EPM2A: variants seen among roughly 807,000 people sequenced by gnomAD.
EPM2A encodes EPM2A glucan phosphatase, laforin, also known as laforin.
Under a neutral mutation model 26.5 loss-of-function variants are expected in EPM2A, and 21 were observed. That is an observed-to-expected ratio of 0.79 (90% CI 0.56 to 1.14). EPM2A has a LOEUF of 1.14. Ranked by LOEUF, EPM2A falls within the 50% of genes most tolerant of loss-of-function variation. EPM2A has a pLI of 0.00. For synonymous variants in EPM2A, 217 were observed against 177.6 expected (o/e 1.22, Z -1.76); for missense variants, 458 against 440.8 (o/e 1.04, Z -0.35).
intron 2 of EPM2A, among the ~76,000 whole-genome samples, chr6:145,532,562 T>C (rs146202522): frequency 0.021 from 3,176 of 152,294 alleles, 46 homozygotes; most frequent in Admixed American, 0.031. Flanking sequence ...TCATTTAATG[T>C]GTGCTGAATA....
At chr6:145,635,189 G>C (rs1776552818) in intron 3 of EPM2A, 56 bp downstream of exon 3, 1 of 1,604,144 alleles carries the variant, frequency 6.2e-7, no homozygotes, top group Non-Finnish European at 8.5e-7. Flanking sequence ...TAGACAGACA[G>C]ACAGCAAGGG....
intron 4 of EPM2A, among the ~76,000 whole-genome samples, chr6:145,437,917 G>GA (rs1038040047): frequency 1.3e-5 from 2 of 152,112 alleles, no homozygotes; most frequent in African/African-American, 2.4e-5. Context: ...CACTGAAAAT[G>GA]AAAAAAATTA....
intron 2 of EPM2A, among the ~76,000 whole-genome samples, chr6:145,598,537 T>C (rs1275711345): frequency 6.6e-6 from 1 of 152,192 alleles, no homozygotes; most frequent in Admixed American, 6.5e-5. Context: ...TGCAAATATT[T>C]TCTCTCATTC....
chr6:145,521,164 G>T (rs895552044), intron 2 of EPM2A, among the ~76,000 whole-genome samples: 1 of 152,058 alleles, frequency 6.6e-6, no homozygotes, highest in Non-Finnish European at 1.5e-5. Context: ...AAGAAAGAAA[G>T]GTATGTGTGC....
intron 2 of EPM2A, among the ~76,000 whole-genome samples, chr6:145,559,937 G>A (rs1323563566): frequency 6.6e-6 from 1 of 152,096 alleles, no homozygotes; most frequent in Non-Finnish European, 1.5e-5. Context: ...AACAAAAAAA[G>A]TTTGGCTTGG....
At chr6:145,474,339 G>A (rs1779515183) in intron 4 of EPM2A, among the ~76,000 whole-genome samples, 1 of 152,048 alleles carries the variant, frequency 6.6e-6, no homozygotes, top group African/African-American at 2.4e-5. Flanking sequence ...GTGGGTGCCT[G>A]TAATCCCAGC....
intron 4 of EPM2A, among the ~76,000 whole-genome samples, chr6:145,493,750 G>T (rs1220202058): frequency 1.3e-5 from 2 of 152,100 alleles, no homozygotes; most frequent in East Asian, 1.9e-4. Context: ...AGATAATCAC[G>T]TGCTTTTTGT....
chr6:145,514,712 A>C (rs1264029618), intron 2 of EPM2A, among the ~76,000 whole-genome samples: 1 of 152,204 alleles, frequency 6.6e-6, no homozygotes, highest in East Asian at 1.9e-4. Context: ...AACTAAGAAG[A>C]ACTGCTGGGT....
intron 2 of EPM2A, among the ~76,000 whole-genome samples, chr6:145,521,951 A>G (rs1215365369): frequency 6.6e-6 from 1 of 152,110 alleles, no homozygotes; most frequent in Non-Finnish European, 1.5e-5. Context: ...AAGTATAAGT[A>G]TTGCATGTTT....
chr6:145,456,410 T>G (rs1038275432), intron 4 of EPM2A, among the ~76,000 whole-genome samples: 2 of 152,156 alleles, frequency 1.3e-5, no homozygotes, highest in Admixed American at 6.5e-5. Flanking sequence ...TTTGCACTCC[T>G]TAGAATCTTT....
At chr6:145,479,349 T>C (rs965465979) in intron 4 of EPM2A, among the ~76,000 whole-genome samples, 4 of 149,264 alleles carry the variant, frequency 2.7e-5, no homozygotes, top group East Asian at 1.9e-4. Context: ...AGGGTATTAA[T>C]TGCATTCACA....
At chr6:145,448,204 T>C (rs1227691899) in intron 4 of EPM2A, among the ~76,000 whole-genome samples, 2 of 152,146 alleles carry the variant, frequency 1.3e-5, no homozygotes, top group African/African-American at 4.8e-5. Flanking sequence ...AAAGTGCTTA[T>C]TAAAAATGTG....
chr6:145,489,716 A>G, intron 4 of EPM2A: 2 of 1,441,546 alleles, frequency 1.4e-6, no homozygotes, highest in Non-Finnish European at 2.0e-6. Context: ...TCTAATCCTC[A>G]GCATCTTCGT....
chr6:145,723,650 A>C lies in EPM2A; in HGVS notation c.301+11548T>G, dbSNP rs73008369. On this transcript the variant is annotated intron_variant, in intron 1 of 3. Coordinates refer to ENST00000367519, the MANE Select transcript of EPM2A (RefSeq NM_005670.4). Reference sequence around the variant, plus strand: ...ATAATTGTTTTTGAATGTTGAATAAAGGGCAGTACAGGACTATAATCCCTA... The same window carrying C: ...ATAATTGTTTTTGAATGTTGAATAACGGGCAGTACAGGACTATAATCCCTA... 3.6e-3 allele frequency among the ~76,000 whole-genome samples: 548 copies of C among 152,280 alleles called. 1 individual carries two copies. The highest frequency in any genetic ancestry group is 4.8e-3 in the Non-Finnish European group (326 of 67,990).
intron 4 of EPM2A, among the ~76,000 whole-genome samples, chr6:145,394,118 C>G (rs546894589): frequency 7.2e-5 from 11 of 152,212 alleles, no homozygotes; most frequent in Non-Finnish European, 2.9e-5. Context: ...CCATCATGCC[C>G]GGCCCAACTT....
At chr6:145,443,027 A>G (rs183947399) in intron 4 of EPM2A, among the ~76,000 whole-genome samples, 4 of 150,198 alleles carry the variant, frequency 2.7e-5, no homozygotes, top group Non-Finnish European at 5.9e-5. Context: ...CGCCCGGCTA[A>G]TTTTTGTGTG....
At chr6:145,533,262 T>A (rs1346212795) in intron 2 of EPM2A, among the ~76,000 whole-genome samples, 2 of 152,172 alleles carry the variant, frequency 1.3e-5, no homozygotes, top group African/African-American at 4.8e-5. Context: ...GTTCATTTCC[T>A]TCCTCTCCTC....
intron 1 of EPM2A, among the ~76,000 whole-genome samples, chr6:145,687,855 G>A (rs1009185133): frequency 1.3e-5 from 2 of 151,316 alleles, no homozygotes; most frequent in South Asian, 2.1e-4. Flanking sequence ...TTTTCTCGAC[G>A]ACTACAAGGT....
chr6:145,483,932 G>T (rs1013200170), intron 4 of EPM2A, among the ~76,000 whole-genome samples: 10 of 152,110 alleles, frequency 6.6e-5, no homozygotes, highest in South Asian at 2.1e-4. Flanking sequence ...GTCTGAGATG[G>T]AGAAGAAGCA....
Sources: allele counts gnomAD v4.1 joint callset (sites outside exome capture counted in the v4.1 genomes callset), GRCh38; gene constraint gnomAD v4.1.1; transcripts MANE v1.5; gene names NCBI Gene and HGNC (gene_info 2026-07-23, HGNC 2026-07-21).